The following DAB1 variants were observed in gnomAD, a reference collection of about 807,000 sequenced individuals.
DAB1 encodes the protein DAB adaptor protein 1.
DAB1 carries 15 observed loss-of-function variants against 64.6 expected under a neutral mutation model. The ratio of observed to expected loss-of-function variants is 0.23; its 90% CI spans 0.16 to 0.36. DAB1 has a LOEUF of 0.36. DAB1 is among the 10% of genes least tolerant of loss of function. The probability of loss-of-function intolerance (pLI) is 1.00; values close to 1 mark genes in which losing one functional copy is unlikely to be tolerated. For synonymous variants in DAB1, 235 were observed against 251.9 expected, an observed-to-expected ratio of 0.93 and a Z score of 0.64; for missense variants, 596 against 706.7, an observed-to-expected ratio of 0.84 and a Z score of 1.78.
At chr1:57,370,615 G>GAA (rs5774340) in intron 1 of DAB1, among the ~76,000 whole-genome samples, 1,502 of 142,720 alleles carry the variant, frequency 0.011, 49 homozygotes, top group Admixed American at 0.07. Context: ...GACAAACAGA[G>GAA]AAAAAAAAAA....
intron 5 of DAB1, among the ~76,000 whole-genome samples, chr1:57,991,393 C>T (rs1425168724): frequency 6.6e-6 from 1 of 152,142 alleles, no homozygotes; most frequent in Non-Finnish European, 1.5e-5. Context: ...CACCCTTAGC[C>T]AGGCATTGTT....
At chr1:57,314,575 C>T (rs17422457) in intron 1 of DAB1, among the ~76,000 whole-genome samples, 7,085 of 152,012 alleles carry the variant, frequency 0.047, 214 homozygotes, top group African/African-American at 0.074. Flanking sequence ...AGCAATTTAC[C>T]CAGGTTTCCC....
chr1:57,939,130 G>T (rs1645066757), intron 5 of DAB1, among the ~76,000 whole-genome samples: 1 of 152,104 alleles, frequency 6.6e-6, no homozygotes, highest in Non-Finnish European at 1.5e-5. Context: ...CGTTCTTGGT[G>T]AGGGCCCTCT....
chr1:57,071,315 A>G, intron 6 of DAB1: 1 of 689,442 alleles, frequency 1.5e-6, no homozygotes, highest in Non-Finnish European at 2.4e-6. Flanking sequence ...TCTGGATTCG[A>G]GATTTCACTT....
At chr1:58,068,492 A>G (rs35557736) in intron 5 of DAB1, among the ~76,000 whole-genome samples, 32,676 of 152,146 alleles carry the variant, frequency 0.21, 3,932 homozygotes, top group East Asian at 0.33. Flanking sequence ...TCGCCTGGGC[A>G]TGGTGGCTCA....
intron 6 of DAB1, among the ~76,000 whole-genome samples, chr1:57,671,290 G>A (rs1004125828): frequency 2.6e-5 from 4 of 151,952 alleles, no homozygotes; most frequent in South Asian, 2.1e-4. Context: ...AATATTTTAC[G>A]CTTTTTGGCA....
intron 3 of DAB1, among the ~76,000 whole-genome samples, chr1:58,478,940 T>C (rs1377851252): frequency 2.0e-5 from 3 of 152,328 alleles, no homozygotes; most frequent in South Asian, 2.1e-4. Context: ...AGTATATATA[T>C]ACATCTTGTA....
At chr1:57,140,394 G>A (rs1658486427) in intron 3 of DAB1, among the ~76,000 whole-genome samples, 1 of 152,032 alleles carries the variant, frequency 6.6e-6, no homozygotes, top group Admixed American at 6.6e-5. Flanking sequence ...AACCTAAAGG[G>A]GCTAATAAGT....
chr1:57,116,461 CA>C lies in DAB1; in HGVS notation c.306+20081del, dbSNP rs61590002. On this transcript the variant is annotated intron_variant, in intron 4 of 14. Coordinates refer to ENST00000371236, the MANE Select transcript of DAB1 (RefSeq NM_001365792.1). ...TGGGCAATAGAGTGAGACTCTGTCT[CA>C]AAAAAAAAAAAAAAAAAAAAAGAAA... Among the ~76,000 whole-genome samples, 426 of 71,970 alleles carry C rather than the reference CA, an allele frequency of 5.9e-3. 1 individual carries two copies. The highest frequency in any genetic ancestry group is 0.012 in the South Asian group (19 of 1,614). The allele number at this position is 71,970 out of a possible 152,430, so 47.2% of individuals were successfully genotyped here. A position where few individuals can be genotyped will look rare whatever the true frequency, so the allele number is the denominator to read the frequency against.
intron 1 of DAB1, among the ~76,000 whole-genome samples, chr1:57,827,642 T>C (rs1399865774): frequency 6.6e-6 from 1 of 152,120 alleles, no homozygotes; most frequent in East Asian, 1.9e-4. Context: ...ATAATGATAA[T>C]GGGGAGGATG....
At chr1:57,685,956 T>TTAGAAAGATC (rs1451973122) in intron 6 of DAB1, among the ~76,000 whole-genome samples, 8 of 151,832 alleles carry the variant, frequency 5.3e-5, no homozygotes, top group African/African-American at 1.9e-4. Flanking sequence ...CATCAAGAAG[T>TTAGAAAGATC]TAGAAAGATC....
chr1:58,350,476 G>C (rs1557737466), intron 3 of DAB1, among the ~76,000 whole-genome samples: 1 of 152,076 alleles, frequency 6.6e-6, no homozygotes, highest in African/African-American at 2.4e-5. Context: ...GATCCCATTT[G>C]TCAATTTTGG....
At chr1:58,070,746 T>A (rs552638769) in intron 5 of DAB1, among the ~76,000 whole-genome samples, 1 of 152,208 alleles carries the variant, frequency 6.6e-6, no homozygotes, top group South Asian at 2.1e-4. Context: ...AGAAGGCCAA[T>A]GGAGGCCCAG....
At chr1:57,959,992 C>T (rs1645479625) in intron 5 of DAB1, among the ~76,000 whole-genome samples, 1 of 152,206 alleles carries the variant, frequency 6.6e-6, no homozygotes, top group South Asian at 2.1e-4. Flanking sequence ...CAACTGTTCA[C>T]CAACTGTTCT....
At chr1:57,257,336 C>T (rs1315280421) in intron 2 of DAB1, among the ~76,000 whole-genome samples, 1 of 152,192 alleles carries the variant, frequency 6.6e-6, no homozygotes, top group Admixed American at 6.5e-5. Flanking sequence ...AAAGTGTGCT[C>T]TGTTAGGACC....
chr1:57,442,400 C>T (rs867281308), intron 7 of DAB1, among the ~76,000 whole-genome samples: 5 of 152,154 alleles, frequency 3.3e-5, no homozygotes, highest in Admixed American at 6.5e-5. Context: ...ACACCATATT[C>T]CAGAGTAAAG....
intron 4 of DAB1, among the ~76,000 whole-genome samples, chr1:58,252,636 T>C (rs1294894978): frequency 6.6e-6 from 1 of 152,154 alleles, no homozygotes; most frequent in East Asian, 1.9e-4. Context: ...TGCTCCCCAC[T>C]GCTACCACAG....
chr1:57,537,277 C>A (rs1317733859), intron 7 of DAB1, among the ~76,000 whole-genome samples: 1 of 152,134 alleles, frequency 6.6e-6, no homozygotes, highest in Non-Finnish European at 1.5e-5. Flanking sequence ...ACCTTGGGAG[C>A]TTTTCCAAAA....
At chr1:58,359,786 A>AGAT (rs1021963644) in intron 3 of DAB1, among the ~76,000 whole-genome samples, 1 of 151,992 alleles carries the variant, frequency 6.6e-6, no homozygotes. Flanking sequence ...TGCCACTGGA[A>AGAT]GATGATGATG....
Sources: gnomAD v4.1 joint callset for allele counts (sites outside exome capture counted in the v4.1 genomes callset) on GRCh38, gnomAD v4.1.1 for gene constraint, MANE v1.5 for transcripts, NCBI Gene and HGNC (gene_info 2026-07-23, HGNC 2026-07-21) for gene names.